WWOX: variants seen among roughly 807,000 people sequenced by gnomAD.
The protein encoded by WWOX is WW domain containing oxidoreductase, also known as WW domain-containing oxidoreductase.
A neutral mutation model predicts 46.2 loss-of-function variants in WWOX; 69 were observed. The observed-to-expected ratio is 1.49, with a 90% CI of 1.23 to 1.82. The LOEUF (loss-of-function observed/expected upper bound fraction) is 1.82. Among genes scored for constraint, WWOX ranks in the 40% most tolerant of loss-of-function variants. The probability of loss-of-function intolerance (pLI) is 0.00; values close to 1 mark genes in which losing one functional copy is unlikely to be tolerated. For synonymous variants in WWOX, 359 were observed against 202.6 expected (o/e 1.77, Z -6.56); for missense variants, 919 against 542.6 (o/e 1.69, Z -6.89).
chr16:78,747,117 A>G (rs756664000), intron 8 of WWOX, among the ~76,000 whole-genome samples: 2 of 151,396 alleles, frequency 1.3e-5, no homozygotes, highest in Admixed American at 6.6e-5. Context: ...CACAGAGCCT[A>G]TATCTGCTTC....
At chr16:78,917,831 A>T (rs566929450) in intron 8 of WWOX, among the ~76,000 whole-genome samples, 1 of 152,298 alleles carries the variant, frequency 6.6e-6, no homozygotes, top group South Asian at 2.1e-4. Flanking sequence ...AATGATACTG[A>T]CAAGGAATAC....
intron 8 of WWOX, among the ~76,000 whole-genome samples, chr16:78,664,647 G>A (rs144450878): frequency 1.3e-5 from 2 of 152,264 alleles, no homozygotes; most frequent in East Asian, 1.9e-4. Context: ...CGGTGTATCC[G>A]TATCAGTGTG....
At chr16:78,147,881 A>T (rs1195206620) in intron 4 of WWOX, among the ~76,000 whole-genome samples, 1 of 151,120 alleles carries the variant, frequency 6.6e-6, no homozygotes, top group South Asian at 2.1e-4. Context: ...GGTGGAAACT[A>T]TGTTGCCAAG....
At chr16:78,763,648 C>G (rs1110553) in intron 8 of WWOX, among the ~76,000 whole-genome samples, 81,415 of 152,128 alleles carry the variant, frequency 0.54, 24,974 homozygotes, top group Non-Finnish European at 0.69. Flanking sequence ...TGCCCAGCAC[C>G]TAGTACAGTG....
In WWOX at chr16:79,151,689, C is replaced by T. The variant is rs539054860; in HGVS notation, c.1057-59919C>T. 2.4e-4 allele frequency among the ~76,000 whole-genome samples: 37 copies of T among 152,216 alleles called. No homozygotes were observed. The East Asian group carries it at 6.8e-3, about 28-fold the overall frequency. Reference sequence around the variant, plus strand: ...TAGAGGATAGGCAAGAAGTAAGTGGCCACCCTATCTCGTGTTGAGAGCATG... The same window carrying T: ...TAGAGGATAGGCAAGAAGTAAGTGGTCACCCTATCTCGTGTTGAGAGCATG... On this transcript the variant is annotated intron_variant, in intron 8 of 8. Transcript: ENST00000566780.
At chr16:78,624,134 A>C (rs1284316185) in intron 8 of WWOX, among the ~76,000 whole-genome samples, 1 of 152,198 alleles carries the variant, frequency 6.6e-6, no homozygotes, top group Non-Finnish European at 1.5e-5. Context: ...ACAACAACTC[A>C]AGGGCAAAAG....
intron 8 of WWOX, among the ~76,000 whole-genome samples, chr16:78,772,184 C>G (rs1466295239): frequency 6.6e-6 from 1 of 152,166 alleles, no homozygotes; most frequent in Admixed American, 6.5e-5. Context: ...CTGATCCTCT[C>G]CTTCCTCTCT....
intron 5 of WWOX, among the ~76,000 whole-genome samples, chr16:78,351,721 A>G (rs2081187561): frequency 6.6e-6 from 1 of 152,072 alleles, no homozygotes; most frequent in African/African-American, 2.4e-5. Context: ...CAGTGGCACG[A>G]TGTTGGCTCA....
intron 8 of WWOX, among the ~76,000 whole-genome samples, chr16:78,542,726 C>T (rs1213425178): frequency 6.6e-6 from 1 of 152,210 alleles, no homozygotes; most frequent in Admixed American, 6.5e-5. Flanking sequence ...TCTAAACTGG[C>T]ATAACCTTGA....
rs188932058 is a variant in WWOX, at chr16:78,268,134, C to T, written c.516+103845C>T. 2.6e-4 allele frequency among the ~76,000 whole-genome samples: 40 copies of T among 152,290 alleles called. 1 individual carries two copies. The highest frequency in any genetic ancestry group is 5.0e-4 in the Non-Finnish European group (34 of 68,020). On this transcript the variant is annotated intron_variant, in intron 5 of 8. Coordinates refer to ENST00000566780, the MANE Select transcript of WWOX (RefSeq NM_016373.4). Reference sequence around the variant, plus strand: ...GTGTCTGGCTTGCTCCACGATTTTCCTCTATGAATTCCACCTTTCCCATGG... The same window carrying T: ...GTGTCTGGCTTGCTCCACGATTTTCTTCTATGAATTCCACCTTTCCCATGG...
At chr16:78,689,048 T>G (rs1015343669) in intron 8 of WWOX, among the ~76,000 whole-genome samples, 2 of 152,202 alleles carry the variant, frequency 1.3e-5, no homozygotes, top group African/African-American at 4.8e-5. Context: ...GTTAAATCTC[T>G]TTGCTGTATA....
chr16:78,962,100 C>G (rs1328095384), intron 8 of WWOX, among the ~76,000 whole-genome samples: 1 of 151,894 alleles, frequency 6.6e-6, no homozygotes, highest in East Asian at 1.9e-4. Context: ...AAGGGACAGT[C>G]TTAGGGTGAA....
intron 8 of WWOX, among the ~76,000 whole-genome samples, chr16:78,840,414 G>T (rs571405154): frequency 6.6e-6 from 1 of 152,284 alleles, no homozygotes; most frequent in Admixed American, 6.5e-5. Context: ...CACAGTCAAT[G>T]CAAAAGTCCT....
intron 8 of WWOX, among the ~76,000 whole-genome samples, chr16:79,025,898 A>C (rs1253141692): frequency 7.0e-6 from 1 of 143,742 alleles, no homozygotes; most frequent in Non-Finnish European, 1.5e-5. Flanking sequence ...TCCTGGGTTC[A>C]AGTGATTCTC....
At chr16:78,655,253 T>A (rs936244030) in intron 8 of WWOX, among the ~76,000 whole-genome samples, 5 of 152,012 alleles carry the variant, frequency 3.3e-5, no homozygotes, top group African/African-American at 1.2e-4. Flanking sequence ...CTTCTCAGGG[T>A]GGTGGGGCGT....
intron 8 of WWOX, among the ~76,000 whole-genome samples, chr16:78,917,683 C>T (rs189937434): frequency 6.6e-6 from 1 of 152,074 alleles, no homozygotes; most frequent in East Asian, 1.9e-4. Flanking sequence ...TCCTACATGG[C>T]TGTGACTACT....
chr16:78,717,389 A>G (rs371535192), intron 8 of WWOX, among the ~76,000 whole-genome samples: 4 of 152,326 alleles, frequency 2.6e-5, no homozygotes, highest in African/African-American at 9.6e-5. Flanking sequence ...TACACTGTAT[A>G]TATTCATTGA....
chr16:78,380,910 G>C (rs1241720955), intron 5 of WWOX, among the ~76,000 whole-genome samples: 1 of 152,202 alleles, frequency 6.6e-6, no homozygotes, highest in Non-Finnish European at 1.5e-5. Context: ...AATGATAATA[G>C]CATATATTGA....
At chr16:78,253,755 C>T (rs1275240225) in intron 5 of WWOX, among the ~76,000 whole-genome samples, 3 of 152,208 alleles carry the variant, frequency 2.0e-5, no homozygotes, top group African/African-American at 7.2e-5. Context: ...GCATAAACAA[C>T]ATGACTTTCA....
Sources: gnomAD v4.1 joint callset for allele counts (sites outside exome capture counted in the v4.1 genomes callset) on GRCh38, gnomAD v4.1.1 for gene constraint, MANE v1.5 for transcripts, NCBI Gene and HGNC (gene_info 2026-07-23, HGNC 2026-07-21) for gene names.